The following ZNF676 variants were observed in gnomAD, a reference collection of about 807,000 sequenced individuals.
ZNF676 encodes zinc finger protein 676.
A neutral mutation model predicts 6.0 loss-of-function variants in ZNF676; 4 were observed. That is an observed-to-expected ratio of 0.67 (90% CI 0.33 to 1.53). The LOEUF (loss-of-function observed/expected upper bound fraction) is 1.53, where lower values mean the gene tolerates loss of function less well. ZNF676 is among the 40% of genes most tolerant of loss of function. The pLI, the probability that ZNF676 is intolerant of heterozygous loss-of-function variation, is 0.06. For synonymous variants in ZNF676, 198 were observed against 223.1 expected (o/e 0.89, Z 1.00); for missense variants, 644 against 679.7 (o/e 0.95, Z 0.58).
chr19:22,183,641 A>G (rs1436355897), intron 2 of ZNF676, among the ~76,000 whole-genome samples: 2 of 152,200 alleles, frequency 1.3e-5, no homozygotes, highest in Non-Finnish European at 2.9e-5. Flanking sequence ...TGCCCAGGTT[A>G]TTTAAAAAAT....
intron 1 of ZNF676, among the ~76,000 whole-genome samples, chr19:22,212,797 C>A (rs1290866396): frequency 6.6e-6 from 1 of 151,502 alleles, no homozygotes; most frequent in Non-Finnish European, 1.5e-5. Flanking sequence ...GAGTTCGAGA[C>A]CAGCCTGGGC....
At chr19:22,210,105 G>A (rs948249662) in intron 1 of ZNF676, among the ~76,000 whole-genome samples, 1 of 152,168 alleles carries the variant, frequency 6.6e-6, no homozygotes, top group African/African-American at 2.4e-5. Context: ...AGAACAAGGG[G>A]CAGTGTGACA....
At chr19:22,231,552 T>C in the ZNF676 span, among the ~76,000 whole-genome samples, 1 of 79,230 alleles carries the variant, frequency 1.3e-5, no homozygotes, top group East Asian at 3.3e-4. Flanking sequence ...ATGCAAATAT[T>C]AATTAAATTA....
At chr19:22,244,950 C>T in the ZNF676 span, 37,468 of 151,946 alleles carry the variant, frequency 0.25, 5,279 homozygotes, top group South Asian at 0.44. Context: ...TTTGGCATGG[C>T]CGAGGAAGAA....
chr19:22,193,742 A>AC (rs1294085812), intron 1 of ZNF676, among the ~76,000 whole-genome samples: 4 of 152,104 alleles, frequency 2.6e-5, no homozygotes, highest in African/African-American at 4.8e-5. Context: ...AACCTTTAGG[A>AC]CCTTGTGCTT....
chr19:22,220,196 A>T (rs1357389919), upstream of ZNF676, among the ~76,000 whole-genome samples: 2 of 152,186 alleles, frequency 1.3e-5, no homozygotes, highest in Non-Finnish European at 2.9e-5. Context: ...CTATCTTATT[A>T]ATATGTTGCT....
chr19:22,222,465 C>G, the ZNF676 span, among the ~76,000 whole-genome samples: 2 of 152,032 alleles, frequency 1.3e-5, no homozygotes, highest in Non-Finnish European at 2.9e-5. Flanking sequence ...CAAACAGCAA[C>G]TTTTTATTTA....
chr19:22,251,827 G>A, the ZNF676 span, among the ~76,000 whole-genome samples: 8 of 149,642 alleles, frequency 5.3e-5, no homozygotes, highest in East Asian at 1.4e-3. Flanking sequence ...ATCTAATTCT[G>A]AACACATATT....
At chr19:22,224,345 G>A in the ZNF676 span, among the ~76,000 whole-genome samples, 2 of 151,524 alleles carry the variant, frequency 1.3e-5, no homozygotes, top group African/African-American at 4.9e-5. Context: ...AAGTCAATGT[G>A]GGGTTTAATT....
At chr19:22,258,706 G>A in the ZNF676 span, among the ~76,000 whole-genome samples, 5 of 152,128 alleles carry the variant, frequency 3.3e-5, no homozygotes, top group East Asian at 7.7e-4. Flanking sequence ...CTGGATGTTG[G>A]GTGCAGTGAT....
the ZNF676 span, chr19:22,245,378 G>A: frequency 6.6e-6 from 1 of 151,972 alleles, no homozygotes; most frequent in Non-Finnish European, 1.5e-5. Flanking sequence ...GCTTCAGCAG[G>A]AGACAAGAGT....
the ZNF676 span, among the ~76,000 whole-genome samples, chr19:22,229,208 C>T: frequency 6.6e-6 from 1 of 152,120 alleles, no homozygotes; most frequent in Non-Finnish European, 1.5e-5. Flanking sequence ...ACATCTACAA[C>T]CATCTGATCT....
chr19:22,256,975 C>T, the ZNF676 span, among the ~76,000 whole-genome samples: 1 of 152,126 alleles, frequency 6.6e-6, no homozygotes, highest in African/African-American at 2.4e-5. Flanking sequence ...ATCACAATCC[C>T]TCCTTGGGCA....
chr19:22,221,758 A>G, the ZNF676 span, among the ~76,000 whole-genome samples: 3 of 152,100 alleles, frequency 2.0e-5, no homozygotes, highest in Non-Finnish European at 2.9e-5. Flanking sequence ...CAAAAAAAAA[A>G]AACATCAGAC....
intron 2 of ZNF676, among the ~76,000 whole-genome samples, chr19:22,190,668 T>TATATATAAAC (rs1233210246): frequency 3.2e-5 from 3 of 93,772 alleles, no homozygotes; most frequent in East Asian, 3.1e-4. Context: ...TATATATACA[T>TATATATAAAC]ACACACTTTA....
chr19:22,248,476 A>T, the ZNF676 span, among the ~76,000 whole-genome samples: 9 of 152,132 alleles, frequency 5.9e-5, no homozygotes, highest in Admixed American at 3.3e-4. Context: ...CCTAGAACTT[A>T]AAGTATTTTA....
At chr19:22,259,478 C>T in the ZNF676 span, among the ~76,000 whole-genome samples, 36 of 152,238 alleles carry the variant, frequency 2.4e-4, no homozygotes, top group South Asian at 1.2e-3. Flanking sequence ...AAATATGTAA[C>T]GATGATTCTC....
chr19:22,197,404 T>G (rs1488063383), upstream of ZNF676, among the ~76,000 whole-genome samples: 1 of 151,980 alleles, frequency 6.6e-6, no homozygotes, highest in Non-Finnish European at 1.5e-5. Flanking sequence ...ATAGACATGT[T>G]GAGTTAGAAG....
rs193163885 is a variant in ZNF676, at chr19:22,207,777, C to A, written c.3+7855G>T. On this transcript the variant is annotated intron_variant, in intron 1 of 3. Transcript: ENST00000650058. ...TAGGCCAATGCAACAGAATAGGGAGCCCAGAAATAATGCCACACACCTAAA... is the reference window on the plus strand; with the variant it reads ...TAGGCCAATGCAACAGAATAGGGAGACCAGAAATAATGCCACACACCTAAA... Among the ~76,000 whole-genome samples, 12 of 152,128 alleles carry A rather than the reference C, an allele frequency of 7.9e-5. No individual in the cohort carries two copies. In the South Asian group the frequency reaches 1.2e-3, roughly 16 times the overall value.
Sources: gnomAD v4.1 joint callset for allele counts (sites outside exome capture counted in the v4.1 genomes callset) on GRCh38, gnomAD v4.1.1 for gene constraint, MANE v1.5 for transcripts, NCBI Gene and HGNC (gene_info 2026-07-23, HGNC 2026-07-21) for gene names.